Variants in KCNK10 observed in about 807,000 individuals in gnomAD.
The protein encoded by KCNK10 is potassium two pore domain channel subfamily K member 10.
A neutral mutation model predicts 47.7 loss-of-function variants in KCNK10; 25 were observed. The ratio of observed to expected loss-of-function variants is 0.52; its 90% CI spans 0.38 to 0.73. The LOEUF is 0.73. Ranked by LOEUF, KCNK10 falls within the 30% of genes least tolerant of loss-of-function variation. The pLI is 0.00. For missense variants in KCNK10, 563 were observed against 714.5 expected (o/e 0.79, Z 2.42); for synonymous variants, 303 against 285.6 (o/e 1.06, Z -0.61).
chr14:88,238,565 C>A (rs989669530), intron 3 of KCNK10, among the ~76,000 whole-genome samples: 3 of 152,122 alleles, frequency 2.0e-5, no homozygotes, highest in Non-Finnish European at 1.5e-5. Flanking sequence ...GTCTGAGCTA[C>A]TTAGGGGGCT....
At chr14:88,236,868 G>C (rs539999265) in intron 3 of KCNK10, among the ~76,000 whole-genome samples, 18 of 152,152 alleles carry the variant, frequency 1.2e-4, no homozygotes, top group Non-Finnish European at 2.1e-4. Context: ...GCTGGCGGAG[G>C]GTCTTCCTTT....
chr14:88,287,611 T>G (rs1406233913), intron 1 of KCNK10, among the ~76,000 whole-genome samples: 1 of 152,070 alleles, frequency 6.6e-6, no homozygotes, highest in Non-Finnish European at 1.5e-5. Context: ...TGGTCTCCAA[T>G]TCCATCCAGG....
In KCNK10 at chr14:88,185,754, G is replaced by A. The variant is rs371190844; in HGVS notation, c.1413C>T (p.Pro471=). The change falls in exon 7 of 7, where the codon CCC becomes CCT. Residue 471 remains proline (P), a synonymous_variant. Coordinates refer to ENST00000319231, the MANE Select transcript of KCNK10 (RefSeq NM_138317.3). The surrounding 1 kb of genome is among the most constrained non-coding windows in gnomAD (Gnocchi z 4.3). ...TCTTGTAGATTTTCTGAACGTCCTCGGGCAAGGTCTTTTTGAGGTCCTTGT... is the reference window on the plus strand; with the variant it reads ...TCTTGTAGATTTTCTGAACGTCCTCAGGCAAGGTCTTTTTGAGGTCCTTGT... The part of the protein sequence containing the change: ...RKNKDLKKTL[P]EDVQKIYKTF... The A allele has an allele frequency of 6.8e-5, 110 of 1,613,954 alleles. No individual in the cohort carries two copies. The highest frequency in any genetic ancestry group is 8.0e-5 in the African/African-American group (6 of 74,894).
intron 4 of KCNK10, among the ~76,000 whole-genome samples, chr14:88,213,372 A>G (rs1255181086): frequency 6.6e-6 from 1 of 152,222 alleles, no homozygotes; most frequent in Non-Finnish European, 1.5e-5. Flanking sequence ...AGTGCATTCC[A>G]GAGGAACCAA....
At position 88,260,326 on chromosome 14, in the gene KCNK10, T is replaced by G. The variant is rs1887076052; in HGVS notation, c.402+2876A>C. Among the ~76,000 whole-genome samples, 1 of 152,130 alleles carries G rather than the reference T, an allele frequency of 6.6e-6. No homozygotes were observed. Among genetic ancestry groups the G allele is most frequent in the Non-Finnish European group, 1.5e-5 (1 of 68,022 alleles). On this transcript the variant is annotated intron_variant, in intron 2 of 6. Coordinates refer to ENST00000319231, the MANE Select transcript of KCNK10 (RefSeq NM_138317.3). The surrounding 1 kb of genome is among the most constrained non-coding windows in gnomAD (Gnocchi z 4.5). ...TCCAGCCATATAGGACATGCCTGCCTCCCCTTCGTCTTCTGCCATGATTGT... is the reference window on the plus strand; with the variant it reads ...TCCAGCCATATAGGACATGCCTGCCGCCCCTTCGTCTTCTGCCATGATTGT...
rs1323042485 is a variant in KCNK10 at position 88,180,647 on chromosome 14, T to G, written c.*4888A>C. The G allele has an allele frequency of 2.5e-6, 1 of 397,280 alleles. No homozygotes were observed. The highest frequency in any genetic ancestry group is 4.4e-6 in the Non-Finnish European group (1 of 225,486). 24.6% of individuals were successfully genotyped at this position (397,280 alleles called of 1,614,324 possible). A position where few individuals can be genotyped will look rare whatever the true frequency, so the allele number is the denominator to read the frequency against. The stretch of plus-strand genomic sequence containing the variant: ...AAGTAGATACCAAATCTCAGGCACC[T>G]GTGAAAATGATAATAACTTTCAGTA... On this transcript the variant is annotated 3_prime_UTR_variant, in exon 7 of 7. Transcript: ENST00000319231.
At chr14:88,207,001 G>A (rs1885295291) in intron 4 of KCNK10, among the ~76,000 whole-genome samples, 2 of 152,130 alleles carry the variant, frequency 1.3e-5, no homozygotes, top group Admixed American at 1.3e-4. Context: ...GCCTGATGAG[G>A]TAAAAGTGTC....
intron 4 of KCNK10, among the ~76,000 whole-genome samples, chr14:88,211,232 C>G (rs1049004453): frequency 6.6e-6 from 1 of 152,230 alleles, no homozygotes; most frequent in Non-Finnish European, 1.5e-5. Context: ...AGACACTGTG[C>G]TAAGTGAAAT....
At chr14:88,249,022 T>A (rs1332983462) in intron 2 of KCNK10, among the ~76,000 whole-genome samples, 3 of 152,250 alleles carry the variant, frequency 2.0e-5, no homozygotes, top group Admixed American at 2.0e-4. Context: ...CTTTTAACTC[T>A]AGCCTTCTAT....
chr14:88,232,838 C>G (rs146995941), intron 3 of KCNK10, among the ~76,000 whole-genome samples: 2 of 152,206 alleles, frequency 1.3e-5, no homozygotes, highest in Admixed American at 6.5e-5. Context: ...GGAAAGCCCC[C>G]CTTCCTGTGC....
At chr14:88,307,356 C>CAT (rs1566720649) in intron 1 of KCNK10, among the ~76,000 whole-genome samples, 1 of 151,154 alleles carries the variant, frequency 6.6e-6, no homozygotes, top group Non-Finnish European at 1.5e-5. Context: ...CACACACACA[C>CAT]AAATATCTAC....
chr14:88,310,238 T>TG (rs1436738691), intron 1 of KCNK10, among the ~76,000 whole-genome samples: 1 of 145,970 alleles, frequency 6.9e-6, no homozygotes, highest in East Asian at 2.1e-4. Context: ...TGATATACCA[T>TG]ATAAATGATA....
chr14:88,275,693 CAAAAAAA>C (rs71126972), intron 1 of KCNK10, among the ~76,000 whole-genome samples: 125 of 71,980 alleles, frequency 1.7e-3, no homozygotes, highest in East Asian at 5.4e-3. Flanking sequence ...GCTAAAAATA[CAAAAAAA>C]AAAAAAAAAA....
At position 88,260,811 on chromosome 14, in the gene KCNK10, C is replaced by T. The variant is rs915959298; in HGVS notation, c.402+2391G>A. ...TATAAAATTATCTTAAATGCACACA[C>T]GTGTGTATGTGCAAACACATTCACA... On this transcript the variant is annotated intron_variant, in intron 2 of 6. Transcript: ENST00000319231. This position sits in a 1 kb window ranked among gnomAD's most constrained non-coding sequence, Gnocchi z 4.5. Among the ~76,000 whole-genome samples the T allele has an allele frequency of 2.0e-5, 3 of 152,190 alleles. No homozygotes were observed. The highest frequency in any genetic ancestry group is 4.4e-5 in the Non-Finnish European group (3 of 68,030).
At chr14:88,233,175 G>T (rs902314785) in intron 3 of KCNK10, among the ~76,000 whole-genome samples, 2 of 152,200 alleles carry the variant, frequency 1.3e-5, no homozygotes, top group East Asian at 3.9e-4. Flanking sequence ...ATAGAAGGGG[G>T]TTTAACATTT....
chr14:88,237,409 A>G (rs1886328697), intron 3 of KCNK10, among the ~76,000 whole-genome samples: 1 of 152,194 alleles, frequency 6.6e-6, no homozygotes, highest in African/African-American at 2.4e-5. Context: ...ACCTCTTCCA[A>G]TTCATCACAA....
intron 1 of KCNK10, among the ~76,000 whole-genome samples, chr14:88,307,327 TCACACACACA>T (rs112756986): frequency 6.7e-5 from 10 of 148,960 alleles, no homozygotes; most frequent in East Asian, 6.0e-4. Context: ...AAGAAGCTGA[TCACACACACA>T]CACACACACA....
upstream of KCNK10, chr14:88,326,320 C>T (rs1888661913): frequency 2.1e-6 from 2 of 959,322 alleles, no homozygotes; most frequent in Non-Finnish European, 3.4e-6. Flanking sequence ...TGGAGGGAGA[C>T]CTCCCTCCCA....
At chr14:88,244,096 A>C (rs1886556527) in intron 2 of KCNK10, among the ~76,000 whole-genome samples, 1 of 152,172 alleles carries the variant, frequency 6.6e-6, no homozygotes, top group Non-Finnish European at 1.5e-5. Flanking sequence ...ATTTCTGACA[A>C]GGCTTTAGAA....
Sources: gnomAD v4.1 joint callset for allele counts (sites outside exome capture counted in the v4.1 genomes callset) on GRCh38, gnomAD v4.1.1 for gene constraint, Gnocchi (gnomAD v3.1) non-coding constraint, MANE v1.5 for transcripts, NCBI Gene and HGNC (gene_info 2026-07-23, HGNC 2026-07-21) for gene names.